KAZN: variants seen among roughly 807,000 people sequenced by gnomAD.
The protein encoded by KAZN is kazrin, periplakin interacting protein, also known as kazrin.
In KAZN, 40 loss-of-function variants were observed where a neutral mutation model predicts 87.4. That is an observed-to-expected ratio of 0.46 (90% confidence interval 0.36 to 0.60). The LOEUF (loss-of-function observed/expected upper bound fraction) is 0.60, where lower values mean the gene tolerates loss of function less well. Among genes scored for constraint, KAZN ranks in the 20% least tolerant of loss-of-function variants. The pLI, the probability that KAZN is intolerant of heterozygous loss-of-function variation, is 0.00. For synonymous variants in KAZN, 466 were observed against 458.3 expected (o/e 1.02, Z -0.22); for missense variants, 898 against 1,073.9 (o/e 0.84, Z 2.29).
At chr1:14,333,330 A>G (rs1419707435) in intron 2 of KAZN, among the ~76,000 whole-genome samples, 1 of 152,236 alleles carries the variant, frequency 6.6e-6, no homozygotes, top group Non-Finnish European at 1.5e-5. Context: ...TATTGTGAAT[A>G]GTGCTGCAGT....
chr1:15,094,417 A>C lies in KAZN; in HGVS notation c.1428+32A>C. On this transcript the variant is annotated intron_variant, in intron 9 of 14. Transcript: ENST00000376030. This position sits in a 1 kb window ranked among gnomAD's most constrained non-coding sequence, Gnocchi z 4.5. ...AACTCCGGGCCCCCTATGGGATGCC[A>C]CCCATGCCCTCTGTGAGCTTTACGT... 6.3e-7 allele frequency: 1 copy of C among 1,577,118 alleles called. No homozygotes were observed. Among genetic ancestry groups the C allele is most frequent in the Non-Finnish European group, 8.6e-7 (1 of 1,156,384 alleles).
At chr1:14,355,316 TGCAATTATAC>T (rs1260336446) in intron 2 of KAZN, among the ~76,000 whole-genome samples, 1 of 152,216 alleles carries the variant, frequency 6.6e-6, no homozygotes, top group Non-Finnish European at 1.5e-5. Context: ...TTTTACTATA[TGCAATTATAC>T]CTGAATAACA....
At chr1:14,311,704 T>TTGGATGGATGGGGGTGGA (rs1553156716) in intron 2 of KAZN, among the ~76,000 whole-genome samples, 4 of 152,010 alleles carry the variant, frequency 2.6e-5, no homozygotes, top group Non-Finnish European at 5.9e-5. Flanking sequence ...TTAATAAATA[T>TTGGATGGATGGGGGTGGA]TGGATGGATG....
At chr1:14,229,991 C>A (rs186142909) in intron 2 of KAZN, among the ~76,000 whole-genome samples, 19 of 152,366 alleles carry the variant, frequency 1.2e-4, no homozygotes, top group South Asian at 4.1e-4. Context: ...TCCGAGAGAA[C>A]CTTCCACAGT....
intron 1 of KAZN, among the ~76,000 whole-genome samples, chr1:14,897,972 A>G (rs1241431903): frequency 6.6e-6 from 1 of 152,222 alleles, no homozygotes; most frequent in Non-Finnish European, 1.5e-5. Flanking sequence ...TATGGAGGAA[A>G]CACCCATGGT....
Position 14,163,880 on chromosome 1 carries a change from T to C in KAZN, c.92-16555T>C, listed in dbSNP as rs561155329. Among the ~76,000 whole-genome samples, 8 of 152,232 alleles carry C rather than the reference T, an allele frequency of 5.3e-5. No homozygotes were observed. The South Asian group carries it at 1.2e-3, about 24-fold the overall frequency. ...TACGTAGCAAGAACCTTCTGTCCTC[T>C]ACTTTACAGTCACATTTTCCTCGGT... On this transcript the variant is annotated intron_variant, in intron 1 of 16. Transcript: ENST00000636203.
chr1:14,434,651 T>C (rs1019811286), intron 2 of KAZN, among the ~76,000 whole-genome samples: 1 of 152,122 alleles, frequency 6.6e-6, no homozygotes, highest in African/African-American at 2.4e-5. Context: ...AACCTTAGAA[T>C]GGAGAAGAGT....
chr1:13,929,047 C>CTTTTTTTTTTTTT (rs33984927), intron 1 of KAZN, among the ~76,000 whole-genome samples: 1 of 101,540 alleles, frequency 9.8e-6, no homozygotes, highest in Non-Finnish European at 1.9e-5. Context: ...AGCTTCAAGG[C>CTTTTTTTTTTTTT]TTTTTTTTTT....
At chr1:14,272,329 C>CA (rs1475919333) in intron 2 of KAZN, among the ~76,000 whole-genome samples, 3 of 152,312 alleles carry the variant, frequency 2.0e-5, no homozygotes, top group Admixed American at 6.5e-5. Flanking sequence ...GAAATGCAAA[C>CA]AGAAGCAGCC....
At chr1:14,864,616 C>T (rs892219530) in intron 1 of KAZN, among the ~76,000 whole-genome samples, 8 of 152,208 alleles carry the variant, frequency 5.3e-5, no homozygotes, top group East Asian at 3.9e-4. Context: ...AAAGGTGGGA[C>T]GGACACAGCC....
chr1:14,367,922 A>C (rs150313742), intron 2 of KAZN, among the ~76,000 whole-genome samples: 1 of 152,236 alleles, frequency 6.6e-6, no homozygotes, highest in Non-Finnish European at 1.5e-5. Context: ...ACCCCTTTAT[A>C]TCTTTCAAAA....
chr1:13,939,225 C>G (rs12035041), intron 1 of KAZN, among the ~76,000 whole-genome samples: 2,496 of 152,334 alleles, frequency 0.016, 64 homozygotes, highest in African/African-American at 0.055. Flanking sequence ...TCTGCTTCCT[C>G]TTTGAATAAA....
intron 2 of KAZN, among the ~76,000 whole-genome samples, chr1:14,550,407 G>C (rs1459510537): frequency 1.3e-5 from 2 of 152,198 alleles, no homozygotes; most frequent in African/African-American, 4.8e-5. Context: ...GCCAGGCAGA[G>C]ATCTGGGTGA....
At chr1:15,079,688 T>C (rs1639909859) in intron 8 of KAZN, among the ~76,000 whole-genome samples, 1 of 152,094 alleles carries the variant, frequency 6.6e-6, no homozygotes, top group Admixed American at 6.5e-5. Flanking sequence ...GGGATCCACC[T>C]TTCAGGGCTG....
chr1:14,532,351 A>T (rs1232658157), intron 2 of KAZN, among the ~76,000 whole-genome samples: 1 of 152,138 alleles, frequency 6.6e-6, no homozygotes, highest in Non-Finnish European at 1.5e-5. Flanking sequence ...TGGAGAGATG[A>T]TAAAATTCAC....
At chr1:14,879,812 A>C (rs1653152794) in intron 1 of KAZN, among the ~76,000 whole-genome samples, 1 of 152,180 alleles carries the variant, frequency 6.6e-6, no homozygotes. Context: ...TCTTGTCATC[A>C]TGGAGGTAGT....
At chr1:13,926,942 A>C (rs540567813) in intron 1 of KAZN, among the ~76,000 whole-genome samples, 53 of 152,322 alleles carry the variant, frequency 3.5e-4, no homozygotes, top group African/African-American at 1.3e-3. Flanking sequence ...AAACCTGCAA[A>C]AATATGTGTT....
At chr1:14,467,816 G>C (rs953130453) in intron 2 of KAZN, among the ~76,000 whole-genome samples, 1 of 151,942 alleles carries the variant, frequency 6.6e-6, no homozygotes, top group East Asian at 1.9e-4. Context: ...AGCCTCTCAT[G>C]ATGGCCCCCA....
chr1:13,928,630 G>A (rs1640375438), intron 1 of KAZN, among the ~76,000 whole-genome samples: 1 of 152,112 alleles, frequency 6.6e-6, no homozygotes, highest in South Asian at 2.1e-4. Context: ...AAAAAATTCA[G>A]GACATGATTT....
Sources: allele counts gnomAD v4.1 joint callset (sites outside exome capture counted in the v4.1 genomes callset), GRCh38; gene constraint gnomAD v4.1.1; non-coding constraint Gnocchi (gnomAD v3.1); transcripts MANE v1.5; gene names NCBI Gene and HGNC (gene_info 2026-07-23, HGNC 2026-07-21).